ANKFN1: variants seen among roughly 807,000 people sequenced by gnomAD.
ANKFN1 encodes ankyrin repeat and fibronectin type III domain containing 1, also known as ankyrin repeat and fibronectin type-III domain-containing protein 1.
In ANKFN1, 74 loss-of-function variants were observed where a neutral mutation model predicts 108.7. That is an observed-to-expected ratio of 0.68 (90% confidence interval 0.56 to 0.83). The LOEUF (loss-of-function observed/expected upper bound fraction) is 0.83, where lower values mean the gene tolerates loss of function less well. Among genes scored for constraint, ANKFN1 ranks in the 40% least tolerant of loss-of-function variants. The probability of loss-of-function intolerance (pLI) is 0.00; values close to 1 mark genes in which losing one functional copy is unlikely to be tolerated. For synonymous variants in ANKFN1, 547 were observed against 516.2 expected (o/e 1.06, Z -0.81); for missense variants, 1,505 against 1,382.3 (o/e 1.09, Z -1.41).
At chr17:56,211,242 G>A (rs959501851) in intron 1 of ANKFN1, among the ~76,000 whole-genome samples, 1 of 152,188 alleles carries the variant, frequency 6.6e-6, no homozygotes, top group Non-Finnish European at 1.5e-5. Flanking sequence ...TCAGGTCTTA[G>A]ATTTTAGTCT....
chr17:56,253,785 C>T (rs1275435352), intron 3 of ANKFN1, among the ~76,000 whole-genome samples: 1 of 152,064 alleles, frequency 6.6e-6, no homozygotes, highest in Non-Finnish European at 1.5e-5. Context: ...TCCAGGTGTA[C>T]AGCTCACTGA....
At chr17:56,233,233 G>C (rs1222447727) in intron 3 of ANKFN1, among the ~76,000 whole-genome samples, 2 of 151,982 alleles carry the variant, frequency 1.3e-5, no homozygotes, top group East Asian at 1.9e-4. Flanking sequence ...AAACAACTTT[G>C]ATAGAACTTG....
chr17:56,118,659 A>G (rs971802872), intron 4 of ANKFN1, among the ~76,000 whole-genome samples: 4 of 152,198 alleles, frequency 2.6e-5, no homozygotes, highest in Non-Finnish European at 4.4e-5. Context: ...AATAGATAGT[A>G]TAGATGAGAA....
At chr17:56,091,328 A>C (rs1208685714) in intron 4 of ANKFN1, among the ~76,000 whole-genome samples, 1 of 150,966 alleles carries the variant, frequency 6.6e-6, no homozygotes, top group Non-Finnish European at 1.5e-5. Context: ...AAATTGTGCA[A>C]CTGATATTGC....
chr17:56,215,583 G>A (rs1046147428), intron 2 of ANKFN1, among the ~76,000 whole-genome samples: 2 of 152,196 alleles, frequency 1.3e-5, no homozygotes, highest in African/African-American at 4.8e-5. Flanking sequence ...CCCAAGCATA[G>A]GTTTTTCACT....
intron 3 of ANKFN1, among the ~76,000 whole-genome samples, chr17:56,296,336 G>A (rs1246585578): frequency 6.6e-6 from 1 of 152,152 alleles, no homozygotes; most frequent in Non-Finnish European, 1.5e-5. Flanking sequence ...GCATTTAAAT[G>A]AGTCTGATGA....
chr17:56,501,162 T>A (rs1013747823), intron 20 of ANKFN1, among the ~76,000 whole-genome samples: 1 of 152,068 alleles, frequency 6.6e-6, no homozygotes, highest in South Asian at 2.1e-4. Flanking sequence ...AAGGCCAAGA[T>A]CTTTGACACA....
At chr17:56,160,018 G>A in intron 1 of ANKFN1, among the ~76,000 whole-genome samples, 1 of 152,192 alleles carries the variant, frequency 6.6e-6, no homozygotes, top group East Asian at 1.9e-4. Flanking sequence ...CCTGCTGTGT[G>A]TTTGCAGGGC....
intron 3 of ANKFN1, among the ~76,000 whole-genome samples, chr17:56,232,411 G>GA (rs1243684531): frequency 6.6e-6 from 1 of 152,074 alleles, no homozygotes; most frequent in African/African-American, 2.4e-5. Context: ...CTTTAGTCCT[G>GA]AGGCTAATCT....
In ANKFN1 at chr17:56,245,114, A is replaced by G. The variant is rs182932188; in HGVS notation, c.53+17157A>G. 7.4e-4 allele frequency among the ~76,000 whole-genome samples: 112 copies of G among 152,192 alleles called. 1 individual carries two copies. The highest frequency in any genetic ancestry group is 5.6e-3 in the Admixed American group (85 of 15,262). On this transcript the variant is annotated intron_variant, in intron 3 of 20. Transcript: ENST00000682825. Reference sequence around the variant, plus strand: ...TTATATTCAGTAGTCTATTTCTGTAATAGACAAATTTAACTGTGTGTCATT... The same window carrying G: ...TTATATTCAGTAGTCTATTTCTGTAGTAGACAAATTTAACTGTGTGTCATT...
chr17:56,323,658 G>C (rs2045434228), intron 3 of ANKFN1: 1 of 152,170 alleles, frequency 6.6e-6, no homozygotes, highest in Non-Finnish European at 1.5e-5. Context: ...AGAACTTTAA[G>C]GTTCCTTTCA....
chr17:56,103,196 A>C (rs1598095799), intron 4 of ANKFN1, among the ~76,000 whole-genome samples: 1 of 152,230 alleles, frequency 6.6e-6, no homozygotes, highest in African/African-American at 2.4e-5. Context: ...AATGAGCGAC[A>C]TGAAAAGGAA....
chr17:56,051,908 A>G (rs1434612937), intron 4 of ANKFN1, among the ~76,000 whole-genome samples: 1 of 150,020 alleles, frequency 6.7e-6, no homozygotes, highest in Non-Finnish European at 1.5e-5. Context: ...CACTGCTCAA[A>G]GAAATAAAAG....
At chr17:56,328,237 A>C (rs767292968) in intron 4 of ANKFN1, among the ~76,000 whole-genome samples, 1 of 152,176 alleles carries the variant, frequency 6.6e-6, no homozygotes, top group South Asian at 2.1e-4. Flanking sequence ...ACTTATGGCA[A>C]CTTTCAGTTG....
chr17:56,112,917 G>A (rs1231811177), intron 4 of ANKFN1, among the ~76,000 whole-genome samples: 5 of 152,170 alleles, frequency 3.3e-5, no homozygotes, highest in African/African-American at 1.2e-4. Context: ...CGATATGTGT[G>A]CATGTAATTG....
rs76483798 is a variant in ANKFN1, at chr17:56,349,462, G to A, written c.189-1304G>A. ...AATCTCCATTTCTTAAAGTCAAGGC[G>A]AATCAAAGTTAGTTTGTGCTAGCAG... On this transcript the variant is annotated intron_variant, in intron 4 of 20. Coordinates refer to ENST00000682825, the MANE Select transcript of ANKFN1 (RefSeq NM_001370326.1). 3.0e-3 allele frequency among the ~76,000 whole-genome samples: 453 copies of A among 151,842 alleles called. 4 individuals are homozygous for A. Among genetic ancestry groups the A allele is most frequent in the African/African-American group, 8.7e-3 (359 of 41,416 alleles).
intron 1 of ANKFN1, among the ~76,000 whole-genome samples, chr17:56,161,092 A>G (rs1447670137): frequency 1.3e-5 from 2 of 152,238 alleles, no homozygotes; most frequent in Non-Finnish European, 2.9e-5. Flanking sequence ...AGGTTGCTGG[A>G]GAGTTTCCTA....
At chr17:56,206,468 C>G (rs1914544320) in intron 1 of ANKFN1, 1 of 152,052 alleles carries the variant, frequency 6.6e-6, no homozygotes, top group African/African-American at 2.4e-5. Context: ...CTATTCAACC[C>G]CCTCTTTCTG....
intron 1 of ANKFN1, among the ~76,000 whole-genome samples, chr17:56,164,280 G>T (rs188658586): frequency 2.2e-4 from 33 of 152,216 alleles, no homozygotes; most frequent in Non-Finnish European, 4.1e-4. Context: ...TTTCAGCCTA[G>T]ATGCCAGATC....
Sources: allele counts gnomAD v4.1 joint callset (sites outside exome capture counted in the v4.1 genomes callset), GRCh38; gene constraint gnomAD v4.1.1; transcripts MANE v1.5; gene names NCBI Gene and HGNC (gene_info 2026-07-23, HGNC 2026-07-21).